The following NMNAT1 variants were observed in gnomAD, a reference collection of about 807,000 sequenced individuals.
NMNAT1 encodes the protein nicotinamide nucleotide adenylyltransferase 1, also known as nicotinamide/nicotinic acid mononucleotide adenylyltransferase 1.
NMNAT1 carries 11 observed loss-of-function variants against 16.7 expected under a neutral mutation model. The ratio of observed to expected loss-of-function variants is 0.66; its 90% confidence interval spans 0.41 to 1.09. NMNAT1 has a LOEUF of 1.09. NMNAT1 is among the 50% of genes least tolerant of loss of function. The pLI is 0.00. For missense variants in NMNAT1, 280 were observed against 332.3 expected, an observed-to-expected ratio of 0.84 and a Z score of 1.22; for synonymous variants, 110 against 119.8, an observed-to-expected ratio of 0.92 and a Z score of 0.53.
At chr1:9,978,481 G>A (rs577520005) in intron 3 of NMNAT1, among the ~76,000 whole-genome samples, 1 of 152,358 alleles carries the variant, frequency 6.6e-6, no homozygotes, top group Non-Finnish European at 1.5e-5. Flanking sequence ...ACAGCCTGCT[G>A]CAAGGACCTC....
downstream of NMNAT1, among the ~76,000 whole-genome samples, chr1:9,989,569 G>A (rs1050880507): frequency 6.6e-6 from 1 of 152,162 alleles, no homozygotes; most frequent in South Asian, 2.1e-4. Flanking sequence ...GCTTCATGGT[G>A]TAGCTTTGAA....
intron 1 of NMNAT1, chr1:9,952,477 G>A (rs1490477340): frequency 6.6e-6 from 1 of 152,066 alleles, no homozygotes; most frequent in Non-Finnish European, 1.5e-5. Flanking sequence ...AACCTAAAAA[G>A]ACAGAGGAAC....
At chr1:9,990,933 T>C in the NMNAT1 span, among the ~76,000 whole-genome samples, 1 of 151,638 alleles carries the variant, frequency 6.6e-6, no homozygotes, top group Non-Finnish European at 1.5e-5. Flanking sequence ...ATTAGAATTG[T>C]AAAGAAAAAA....
the NMNAT1 span, among the ~76,000 whole-genome samples, chr1:9,992,285 C>T: frequency 6.6e-6 from 1 of 152,050 alleles, no homozygotes; most frequent in African/African-American, 2.4e-5. Flanking sequence ...ACATTGCCAT[C>T]TTGCCCAGGC....
chr1:9,980,987 G>A, intron 3 of NMNAT1, 44 bp from the exon 4 acceptor site: 6 of 1,578,432 alleles, frequency 3.8e-6, no homozygotes, highest in Non-Finnish European at 4.3e-6. Flanking sequence ...TTCTAATGGA[G>A]CATGTGAGAA....
At chr1:9,990,458 A>G (rs754765297), downstream of NMNAT1, among the ~76,000 whole-genome samples, 35 of 152,334 alleles carry the variant, frequency 2.3e-4, no homozygotes, top group Non-Finnish European at 4.1e-4. Context: ...CAAACTCCTC[A>G]TCGCATCTCA....
the NMNAT1 span, among the ~76,000 whole-genome samples, chr1:9,996,845 C>T: frequency 6.6e-6 from 1 of 152,184 alleles, no homozygotes; most frequent in Non-Finnish European, 1.5e-5. Flanking sequence ...TCACTTCTCT[C>T]AGGACTCCTT....
rs1359663431 is a variant in NMNAT1, at chr1:9,982,391, T to C, written c.530T>C (p.Ile177Thr). The C allele has an allele frequency of 1.9e-6, 3 of 1,614,022 alleles. No homozygotes were observed. The highest frequency in any genetic ancestry group is 1.7e-6 in the Non-Finnish European group (2 of 1,180,034). ...NLWKSEDITQ[I>T]VANYGLICVT... ...TGGAAGAGTGAAGACATCACCCAAA[T>C]CGTGGCCAACTATGGGCTCATATGT... Residue 177 changes from isoleucine to threonine, a missense_variant, in exon 5 of 5, where the codon ATC (isoleucine) becomes ACC (threonine). Transcript: ENST00000377205.
downstream of NMNAT1, among the ~76,000 whole-genome samples, chr1:9,988,005 T>C (rs1313022262): frequency 6.6e-6 from 1 of 152,148 alleles, no homozygotes; most frequent in East Asian, 1.9e-4. Flanking sequence ...TTAGTTGTTG[T>C]TGTTTTTTTT....
chr1:9,978,801 T>G (rs951808909), intron 3 of NMNAT1, among the ~76,000 whole-genome samples: 2 of 152,198 alleles, frequency 1.3e-5, no homozygotes, highest in Admixed American at 1.3e-4. Context: ...TTGCACAGTT[T>G]GAAAACAGTG....
intron 1 of NMNAT1, among the ~76,000 whole-genome samples, chr1:9,959,356 A>C (rs192473600): frequency 8.3e-6 from 1 of 120,890 alleles, no homozygotes; most frequent in Admixed American, 9.8e-5. Flanking sequence ...AGGGGACAAG[A>C]GTGAAACTCC....
At chr1:9,968,067 A>AGTTTTTGTTTTT (rs1641593441) in intron 1 of NMNAT1, among the ~76,000 whole-genome samples, 1 of 71,792 alleles carries the variant, frequency 1.4e-5, no homozygotes, top group Non-Finnish European at 3.9e-5. Context: ...TGCCAAATGT[A>AGTTTTTGTTTTT]GTTTTTTTTT....
At chr1:9,995,757 G>A in the NMNAT1 span, among the ~76,000 whole-genome samples, 4 of 151,896 alleles carry the variant, frequency 2.6e-5, no homozygotes, top group Admixed American at 1.3e-4. Flanking sequence ...CCGCGGGTGC[G>A]GTGGCTCACA....
At chr1:9,965,558 C>A (rs1205749463) in intron 1 of NMNAT1, among the ~76,000 whole-genome samples, 1 of 151,674 alleles carries the variant, frequency 6.6e-6, no homozygotes, top group Non-Finnish European at 1.5e-5. Flanking sequence ...TGTGCGCCAC[C>A]ACACTCGCTA....
At chr1:9,956,475 G>A (rs1316511865) in intron 1 of NMNAT1, among the ~76,000 whole-genome samples, 1 of 145,628 alleles carries the variant, frequency 6.9e-6, no homozygotes, top group Non-Finnish European at 1.5e-5. Flanking sequence ...AAGCTGGAGT[G>A]CAGTTGTATG....
At chr1:9,954,668 C>T (rs1237637828) in intron 1 of NMNAT1, among the ~76,000 whole-genome samples, 1 of 152,134 alleles carries the variant, frequency 6.6e-6, no homozygotes, top group Non-Finnish European at 1.5e-5. Context: ...CATGGTGGCT[C>T]ATGCCTGTAA....
chr1:9,961,110 A>G (rs978698225), intron 1 of NMNAT1, among the ~76,000 whole-genome samples: 1 of 152,160 alleles, frequency 6.6e-6, no homozygotes, highest in African/African-American at 2.4e-5. Context: ...GACAAGTTAT[A>G]GATGTAACAA....
In NMNAT1 at chr1:9,982,666, C is replaced by G. The variant is rs1242452400; in HGVS notation, c.805C>G (p.Pro269Ala). The change falls in exon 5 of 5, where the codon CCT (proline) becomes GCT (alanine). Residue 269 changes from proline to alanine, a missense_variant. Physicochemically the swap from Pro to Ala is conservative, Grantham distance 27 (BLOSUM62 -1). Transcript: ENST00000377205. Reference protein sequence around the residue: ...EDRNAGVILAPLQRNTAEAKT With the variant: ...EDRNAGVILAALQRNTAEAKT Reference sequence around the variant, plus strand: ...CAGGAATGCTGGGGTCATCCTGGCCCCTTTGCAGAGAAACACTGCAGAAGC... The same window carrying G: ...CAGGAATGCTGGGGTCATCCTGGCCGCTTTGCAGAGAAACACTGCAGAAGC... The G allele has an allele frequency of 6.2e-7, 1 of 1,613,020 alleles. No homozygotes were observed.
downstream of NMNAT1, among the ~76,000 whole-genome samples, chr1:9,986,107 CA>C (rs571152214): frequency 5.9e-4 from 90 of 152,230 alleles, no homozygotes; most frequent in Non-Finnish European, 1.1e-3. Flanking sequence ...CGTGTCTTAC[CA>C]AGTCTAAATG....
Sources: gnomAD v4.1 joint callset for allele counts (sites outside exome capture counted in the v4.1 genomes callset) on GRCh38, gnomAD v4.1.1 for gene constraint, MANE v1.5 for transcripts, NCBI Gene and HGNC (gene_info 2026-07-23, HGNC 2026-07-21) for gene names.